The following RNF111 variants were observed in gnomAD, a reference collection of about 807,000 sequenced individuals.
RNF111 encodes E3 ubiquitin-protein ligase Arkadia.
RNF111 carries 17 observed loss-of-function variants against 95.1 expected under a neutral mutation model. The ratio of observed to expected loss-of-function variants is 0.18; its 90% confidence interval spans 0.12 to 0.27. RNF111 has a LOEUF of 0.27. RNF111 is among the 10% of genes least tolerant of loss of function. RNF111 has a pLI of 1.00. For synonymous variants in RNF111, 440 were observed against 414.8 expected (o/e 1.06, Z -0.74); for missense variants, 1,189 against 1,210.4 (o/e 0.98, Z 0.26).
chr15:59,015,649 C>T (rs1475900496), intron 1 of RNF111, among the ~76,000 whole-genome samples: 1 of 151,584 alleles, frequency 6.6e-6, no homozygotes, highest in African/African-American at 2.4e-5. Flanking sequence ...AACAAAAGAA[C>T]CTACAGCCCC....
chr15:59,035,058 G>A (rs984107640), intron 2 of RNF111, among the ~76,000 whole-genome samples: 3 of 152,136 alleles, frequency 2.0e-5, no homozygotes, highest in Non-Finnish European at 4.4e-5. Context: ...GCAAAGTCAC[G>A]TCTTACATGG....
At chr15:58,999,713 G>A (rs773866281) in intron 1 of RNF111, among the ~76,000 whole-genome samples, 17 of 152,048 alleles carry the variant, frequency 1.1e-4, no homozygotes, top group African/African-American at 1.7e-4. Flanking sequence ...GTATTAGTTC[G>A]TTCTCACACT....
chr15:59,065,871 C>T (rs1458423319), intron 5 of RNF111, among the ~76,000 whole-genome samples: 7 of 151,964 alleles, frequency 4.6e-5, no homozygotes, highest in African/African-American at 1.2e-4. Context: ...ATTAGCCAGG[C>T]GTGGTGGTGT....
At chr15:59,092,976 T>C (rs1366780981) in intron 13 of RNF111, among the ~76,000 whole-genome samples, 4 of 152,158 alleles carry the variant, frequency 2.6e-5, no homozygotes, top group Non-Finnish European at 5.9e-5. Flanking sequence ...CACTCCAGCC[T>C]GGGCAATAGA....
intron 1 of RNF111, among the ~76,000 whole-genome samples, chr15:58,998,942 G>T (rs1196333268): frequency 6.6e-6 from 1 of 152,206 alleles, no homozygotes; most frequent in Non-Finnish European, 1.5e-5. Flanking sequence ...AAAGATCTAT[G>T]TAAAGTGCAG....
chr15:59,033,491 A>G (rs1442601945), intron 2 of RNF111, among the ~76,000 whole-genome samples: 1 of 152,154 alleles, frequency 6.6e-6, no homozygotes, highest in Non-Finnish European at 1.5e-5. Context: ...GAATAAGGGA[A>G]ATGAGGAGTT....
At chr15:59,089,632 A>G in intron 10 of RNF111, 35 bp from the exon 11 acceptor site, 3 of 1,477,520 alleles carry the variant, frequency 2.0e-6, no homozygotes, top group Non-Finnish European at 2.8e-6. Flanking sequence ...GTCTATTCTT[A>G]AAATTGATTT....
chr15:59,072,256 A>G (rs1449913437), intron 6 of RNF111, among the ~76,000 whole-genome samples: 2 of 152,104 alleles, frequency 1.3e-5, no homozygotes, highest in Admixed American at 6.5e-5. Flanking sequence ...AGTTTGCTGC[A>G]TTGATTGACT....
intron 1 of RNF111, among the ~76,000 whole-genome samples, chr15:59,021,483 T>C (rs1449858040): frequency 6.6e-6 from 1 of 152,088 alleles, no homozygotes; most frequent in African/African-American, 2.4e-5. Flanking sequence ...ATTACATTTA[T>C]TTTTAGGTGT....
At chr15:59,045,335 C>CAGGT (rs1487381505) in intron 2 of RNF111, among the ~76,000 whole-genome samples, 1 of 151,986 alleles carries the variant, frequency 6.6e-6, no homozygotes, top group African/African-American at 2.4e-5. Context: ...GGACTACAGG[C>CAGGT]ACCTGCCACC....
At chr15:59,048,883 G>T (rs1424516568) in intron 2 of RNF111, among the ~76,000 whole-genome samples, 2 of 152,034 alleles carry the variant, frequency 1.3e-5, no homozygotes, top group East Asian at 3.8e-4. Context: ...TTGAGCCTAG[G>T]AGTTCGAGAC....
Position 59,094,892 on chromosome 15 carries a change from GA to G in RNF111, c.2956del (p.Ser986ValfsTer27). On this transcript the variant is annotated frameshift_variant, in exon 14 of 14. Coordinates refer to ENST00000348370, the MANE Select transcript of RNF111 (RefSeq NM_017610.8). LOFTEE classifies it high-confidence loss of function. ...RVDIEAQLPS[E>X]S ...GGACATTGAGGCCCAGCTGCCAAGTGAAAGTTGACACCATGTTTCAGAACTC... is the reference window on the plus strand; with the variant it reads ...GGACATTGAGGCCCAGCTGCCAAGTGAAGTTGACACCATGTTTCAGAACTC... 1.3e-6 allele frequency: 2 copies of G among 1,578,982 alleles called. No individual in the cohort carries two copies. The highest frequency in any genetic ancestry group is 1.7e-6 in the Non-Finnish European group (2 of 1,148,272).
chr15:59,092,775 C>T (rs1490668359), intron 13 of RNF111, 135 bp downstream of exon 13: 1 of 842,924 alleles, frequency 1.2e-6, no homozygotes, highest in Admixed American at 3.2e-5. Flanking sequence ...CAGAGGCTCT[C>T]TTGAGGCCAG....
chr15:59,074,161 G>A (rs1191837293), intron 6 of RNF111, among the ~76,000 whole-genome samples: 1 of 152,146 alleles, frequency 6.6e-6, no homozygotes, highest in Non-Finnish European at 1.5e-5. Flanking sequence ...TGTTAATAGA[G>A]CACAGGCAGA....
chr15:59,052,047 A>C (rs1183199214), intron 2 of RNF111, among the ~76,000 whole-genome samples: 1 of 152,214 alleles, frequency 6.6e-6, no homozygotes, highest in Non-Finnish European at 1.5e-5. Flanking sequence ...TGTAGAAACC[A>C]CTGAACATCT....
chr15:59,019,426 C>G (rs184442281), intron 1 of RNF111, among the ~76,000 whole-genome samples: 104 of 152,150 alleles, frequency 6.8e-4, no homozygotes, highest in African/African-American at 2.4e-3. Flanking sequence ...AATTGGCTTT[C>G]TTCTAATTTG....
chr15:59,051,560 A>G (rs1309765921), intron 2 of RNF111, among the ~76,000 whole-genome samples: 3 of 151,950 alleles, frequency 2.0e-5, no homozygotes, highest in Non-Finnish European at 4.4e-5. Flanking sequence ...CAGATCACTT[A>G]AGGTTAGAAT....
In RNF111 at chr15:59,084,184, C is replaced by A; in HGVS notation, c.2353C>A (p.His785Asn). 6.2e-7 allele frequency: 1 copy of A among 1,604,122 alleles called. No individual in the cohort carries two copies. The highest frequency in any genetic ancestry group is 8.5e-7 in the Non-Finnish European group (1 of 1,175,498). Residue 785 changes from histidine to asparagine, a missense_variant, in exon 9 of 14, where the codon CAT becomes AAT. By Grantham distance (68) the His-to-Asn change is moderately conservative (BLOSUM62 1). Coordinates refer to ENST00000348370, the MANE Select transcript of RNF111 (RefSeq NM_017610.8). ...ACATAGGATGCACCCAAACTATGGTCATGGGCATCATATTCATGTGCCTCA... is the reference window on the plus strand; with the variant it reads ...ACATAGGATGCACCCAAACTATGGTAATGGGCATCATATTCATGTGCCTCA... Reference protein sequence around the residue: ...HPHRMHPNYGHGHHIHVPQTM... With the variant: ...HPHRMHPNYGNGHHIHVPQTM...
At chr15:58,995,812 C>A (rs2039046005) in intron 1 of RNF111, among the ~76,000 whole-genome samples, 1 of 140,004 alleles carries the variant, frequency 7.1e-6, no homozygotes, top group South Asian at 2.3e-4. Context: ...CTTTCTGGCA[C>A]AGCAAGATGT....
Sources: allele counts gnomAD v4.1 joint callset (sites outside exome capture counted in the v4.1 genomes callset), GRCh38; gene constraint gnomAD v4.1.1; transcripts MANE v1.5; gene names NCBI Gene and HGNC (gene_info 2026-07-23, HGNC 2026-07-21).